SPATA13: variants seen among roughly 807,000 people sequenced by gnomAD.
SPATA13 encodes the protein spermatogenesis-associated protein 13.
SPATA13 carries 50 observed loss-of-function variants against 104.0 expected under a neutral mutation model. That is an observed-to-expected ratio of 0.48 (90% confidence interval 0.38 to 0.61). The LOEUF is 0.61. Ranked by LOEUF, SPATA13 falls within the 20% of genes least tolerant of loss-of-function variation. The pLI is 0.00. For synonymous variants in SPATA13, 606 were observed against 667.5 expected (o/e 0.91, Z 1.42); for missense variants, 1,524 against 1,690.6 (o/e 0.90, Z 1.73).
At position 24,249,742 on chromosome 13, in the gene SPATA13, GC is replaced by G; in HGVS notation, c.1923del (p.Gly643GlufsTer10). ...SPEDQNAPVG[C>X]PKGARRRRPI... ...GAAGACCAGAATGCTCCAGTGGGCT[GC>G]CCCAAAGGAGCCCGGAGAAGGCGCC... On this transcript the variant is annotated frameshift_variant, in exon 3 of 13. Transcript: ENST00000382108. LOFTEE classifies it high-confidence loss of function. 1.9e-6 allele frequency: 3 copies of G among 1,614,196 alleles called. No homozygotes were observed. Among genetic ancestry groups the G allele is most frequent in the Non-Finnish European group, 2.5e-6 (3 of 1,180,036 alleles).
chr13:24,035,084 A>C (rs985067999), intron 3 of SPATA13: 1 of 152,254 alleles, frequency 6.6e-6, no homozygotes, highest in African/African-American at 2.4e-5. Flanking sequence ...ACTGGCAAAT[A>C]ATATCACATT....
At chr13:24,071,467 T>G (rs1879161337) in intron 3 of SPATA13, among the ~76,000 whole-genome samples, 1 of 152,240 alleles carries the variant, frequency 6.6e-6, no homozygotes, top group African/African-American at 2.4e-5. Flanking sequence ...GAAGTGGGTC[T>G]GATTGTAATT....
chr13:24,147,059 G>T (rs946725549), intron 3 of SPATA13, among the ~76,000 whole-genome samples: 4 of 151,906 alleles, frequency 2.6e-5, no homozygotes, highest in Non-Finnish European at 5.9e-5. Context: ...ATTATTTTCC[G>T]CTGCCCATAA....
At position 24,025,507 on chromosome 13, in the gene SPATA13, T is replaced by C. The variant is rs1877170421; in HGVS notation, c.-112+7806T>C. On this transcript the variant is annotated intron_variant, in intron 3 of 14. Transcript: ENST00000424834. Reference sequence around the variant, plus strand: ...ATATTTAGGATTTGCTGGGTCATAGTGTAATTATATGTTCAGCTTTAAAAA... The same window carrying C: ...ATATTTAGGATTTGCTGGGTCATAGCGTAATTATATGTTCAGCTTTAAAAA... Among the ~76,000 whole-genome samples, 6 of 152,316 alleles carry C rather than the reference T, an allele frequency of 3.9e-5. No homozygotes were observed. In the South Asian group the frequency reaches 1.2e-3, roughly 32 times the overall value.
At chr13:24,036,827 T>C (rs1367423957) in intron 3 of SPATA13, among the ~76,000 whole-genome samples, 2 of 152,106 alleles carry the variant, frequency 1.3e-5, no homozygotes, top group East Asian at 1.9e-4. Context: ...GATTGATTGA[T>C]TGAGATGGCA....
chr13:24,197,953 C>T (rs1320424873), intron 1 of SPATA13, among the ~76,000 whole-genome samples: 2 of 151,980 alleles, frequency 1.3e-5, no homozygotes, highest in Non-Finnish European at 2.9e-5. Context: ...GTTGTTCTTC[C>T]AACTCCTCAC....
chr13:24,304,776 G>T lies in SPATA13; in HGVS notation c.*2003G>T, dbSNP rs183660380. The T allele has an allele frequency of 2.0e-5, 3 of 152,250 alleles. No homozygotes were observed. The highest frequency in any genetic ancestry group is 7.2e-5 in the African/African-American group (3 of 41,448). 9.4% of individuals were successfully genotyped at this position (152,250 alleles called of 1,614,324 possible). The stretch of plus-strand genomic sequence containing the variant: ...AGTTGCTTCTGTGGACCATCATGCC[G>T]CTCGGCACGTCCTGAGACAGAAGTT... On this transcript the variant is annotated 3_prime_UTR_variant, in exon 13 of 13. Transcript: ENST00000382108.
chr13:24,005,998 T>C (rs1876207902), intron 2 of SPATA13, among the ~76,000 whole-genome samples: 1 of 152,248 alleles, frequency 6.6e-6, no homozygotes, highest in African/African-American at 2.4e-5. Context: ...TGCTTCGGGA[T>C]AGGAGACATC....
intron 1 of SPATA13, among the ~76,000 whole-genome samples, chr13:24,188,715 T>C (rs1156909988): frequency 6.6e-6 from 1 of 152,190 alleles, no homozygotes; most frequent in African/African-American, 2.4e-5. Context: ...ACAACAGATT[T>C]TCAGTGTAGA....
At chr13:24,114,702 G>T (rs1436483264) in intron 3 of SPATA13, among the ~76,000 whole-genome samples, 2 of 151,746 alleles carry the variant, frequency 1.3e-5, no homozygotes. Context: ...TGCTCCTGTT[G>T]CCTAGGCTGG....
In SPATA13 at chr13:24,297,655, C is replaced by T. The variant is rs752500167; in HGVS notation, c.3503C>T (p.Ala1168Val). 2 of 1,614,134 alleles carry T rather than the reference C, an allele frequency of 1.2e-6. No homozygotes were observed. Among genetic ancestry groups the T allele is most frequent in the South Asian group, 1.1e-5 (1 of 91,082 alleles). ...ACAGACGAGGTTTATTTGTTTTGTG[C>T]CAAAAAACAAGAAGACAAGGCGAGG... ...RTTDEVYLFC[A>V]KKQEDKARWL... Residue 1168 changes from alanine to valine, a missense_variant, in exon 11 of 13, where the codon GCC (alanine) becomes GTC (valine). This residue lies in a region of SPATA13 where 435 missense variants were observed against 554.8 expected (regional missense o/e 0.78). Coordinates refer to ENST00000382108, the MANE Select transcript of SPATA13 (RefSeq NM_001166271.3).
chr13:24,238,009 T>C (rs1872656313), intron 2 of SPATA13, among the ~76,000 whole-genome samples: 3 of 148,058 alleles, frequency 2.0e-5, no homozygotes, highest in African/African-American at 4.9e-5. Context: ...TATATAAATA[T>C]ATATATTTTA....
intron 1 of SPATA13, among the ~76,000 whole-genome samples, chr13:23,980,430 GTGTC>G (rs1244701382): frequency 6.6e-6 from 1 of 152,232 alleles, no homozygotes; most frequent in African/African-American, 2.4e-5. Flanking sequence ...GTTGGTGTGT[GTGTC>G]TGTCGGTGTC....
intron 1 of SPATA13, among the ~76,000 whole-genome samples, chr13:24,176,620 C>T (rs1328468127): frequency 6.6e-6 from 1 of 151,952 alleles, no homozygotes; most frequent in Admixed American, 6.6e-5. Context: ...AGAAATGACC[C>T]TCAGTCAGCC....
chr13:24,133,068 A>T (rs1036662000), intron 3 of SPATA13, among the ~76,000 whole-genome samples: 1 of 152,188 alleles, frequency 6.6e-6, no homozygotes, highest in Non-Finnish European at 1.5e-5. Context: ...CCAGGGAAGG[A>T]GCCAACATTA....
At chr13:23,985,163 C>T (rs934570620) in intron 2 of SPATA13, among the ~76,000 whole-genome samples, 3 of 152,212 alleles carry the variant, frequency 2.0e-5, no homozygotes, top group Non-Finnish European at 4.4e-5. Flanking sequence ...CCTTTCTTCC[C>T]GTCTGCTACC....
chr13:24,103,484 C>CAAAAAA (rs34983901), intron 3 of SPATA13, among the ~76,000 whole-genome samples: 956 of 69,758 alleles, frequency 0.014, 17 homozygotes, highest in African/African-American at 0.047. Context: ...GACCCTGTCT[C>CAAAAAA]AAAAAAAAAA....
At chr13:24,216,188 T>C (rs950539363) in intron 1 of SPATA13, among the ~76,000 whole-genome samples, 6 of 152,164 alleles carry the variant, frequency 3.9e-5, no homozygotes, top group African/African-American at 1.4e-4. Flanking sequence ...CCAGCATCTT[T>C]CGCACAAGCT....
intron 3 of SPATA13, among the ~76,000 whole-genome samples, chr13:24,082,609 A>G (rs1879562724): frequency 6.6e-6 from 1 of 151,492 alleles, no homozygotes. Context: ...TCATGAGGTC[A>G]GGAGATCGAG....
Sources: allele counts gnomAD v4.1 joint callset (sites outside exome capture counted in the v4.1 genomes callset), GRCh38; gene constraint gnomAD v4.1.1; regional missense constraint gnomAD v4.1.1; transcripts MANE v1.5; gene names NCBI Gene and HGNC (gene_info 2026-07-23, HGNC 2026-07-21).